The following BTBD9 variants were observed in gnomAD, a reference collection of about 807,000 sequenced individuals.
The protein encoded by BTBD9 is BTB/POZ domain-containing protein 9.
BTBD9 carries 49 observed loss-of-function variants against 64.3 expected under a neutral mutation model. The observed-to-expected ratio is 0.76, with a 90% CI of 0.61 to 0.97. The LOEUF (loss-of-function observed/expected upper bound fraction) is 0.97. BTBD9 is among the 50% of genes least tolerant of loss of function. BTBD9 has a pLI of 0.00. For missense variants in BTBD9, 598 were observed against 762.1 expected (o/e 0.78, Z 2.53); for synonymous variants, 260 against 274.7 (o/e 0.95, Z 0.53).
chr6:38,317,934 C>CT (rs34109121), intron 7 of BTBD9, among the ~76,000 whole-genome samples: 18,501 of 128,750 alleles, frequency 0.14, 1,631 homozygotes, highest in Middle Eastern at 0.22. Flanking sequence ...CTCAAAATAG[C>CT]TTTTTTTTTT....
At chr6:38,554,825 T>A (rs1428247579) in intron 6 of BTBD9, among the ~76,000 whole-genome samples, 2 of 152,054 alleles carry the variant, frequency 1.3e-5, no homozygotes, top group Non-Finnish European at 2.9e-5. Flanking sequence ...GCCAGCAGGG[T>A]ATATGAAACT....
chr6:38,448,595 G>A (rs1562201373), intron 6 of BTBD9, among the ~76,000 whole-genome samples: 1 of 152,090 alleles, frequency 6.6e-6, no homozygotes, highest in African/African-American at 2.4e-5. Context: ...TTAACTCACT[G>A]CAACCTGCAC....
chr6:38,236,736 A>C (rs1397944332), intron 9 of BTBD9, among the ~76,000 whole-genome samples: 3 of 152,222 alleles, frequency 2.0e-5, no homozygotes, highest in African/African-American at 7.2e-5. Context: ...TGTTCTAATG[A>C]CATTTGATTA....
At chr6:38,589,233 C>T (rs528836409) in intron 4 of BTBD9, among the ~76,000 whole-genome samples, 8 of 152,260 alleles carry the variant, frequency 5.3e-5, no homozygotes, top group East Asian at 3.9e-4. Flanking sequence ...TTCTCCCTTT[C>T]GCAACTCATC....
intron 7 of BTBD9, among the ~76,000 whole-genome samples, chr6:38,324,734 C>T (rs1233673685): frequency 6.6e-6 from 1 of 152,128 alleles, no homozygotes; most frequent in East Asian, 1.9e-4. Context: ...GACAGGAAGA[C>T]AATCTGGAAG....
chr6:38,238,189 A>G (rs1297079806), intron 9 of BTBD9, among the ~76,000 whole-genome samples: 1 of 152,228 alleles, frequency 6.6e-6, no homozygotes, highest in Non-Finnish European at 1.5e-5. Flanking sequence ...TTCTGAGCCA[A>G]ATATGAGTGA....
At chr6:38,457,331 A>C (rs1769866862) in intron 6 of BTBD9, among the ~76,000 whole-genome samples, 1 of 152,152 alleles carries the variant, frequency 6.6e-6, no homozygotes, top group African/African-American at 2.4e-5. Context: ...AAGCAAGAAG[A>C]CCAGTTAGAA....
At chr6:38,325,207 G>C (rs1351131023) in intron 7 of BTBD9, among the ~76,000 whole-genome samples, 2 of 151,956 alleles carry the variant, frequency 1.3e-5, no homozygotes, top group Non-Finnish European at 2.9e-5. Flanking sequence ...CAATATTATA[G>C]ATTTTACAAG....
intron 1 of BTBD9, among the ~76,000 whole-genome samples, chr6:38,602,407 A>G (rs926127916): frequency 1.3e-5 from 2 of 151,662 alleles, no homozygotes; most frequent in African/African-American, 4.8e-5. Context: ...ATAAAGTTAG[A>G]TACTAATGAA....
intron 2 of BTBD9, among the ~76,000 whole-genome samples, chr6:38,594,793 T>A (rs1402132732): frequency 1.3e-5 from 2 of 152,234 alleles, no homozygotes; most frequent in African/African-American, 4.8e-5. Flanking sequence ...GAAAAACATG[T>A]TCTTTGATAT....
At chr6:38,420,401 A>T (rs773211425) in intron 6 of BTBD9, among the ~76,000 whole-genome samples, 4 of 152,232 alleles carry the variant, frequency 2.6e-5, no homozygotes, top group Non-Finnish European at 4.4e-5. Context: ...GCAGTGACTC[A>T]GACTTGTGCA....
At chr6:38,578,720 G>C (rs1013518535) in intron 5 of BTBD9, among the ~76,000 whole-genome samples, 1 of 152,016 alleles carries the variant, frequency 6.6e-6, no homozygotes, top group Non-Finnish European at 1.5e-5. Flanking sequence ...AATCTTTTTG[G>C]CTTAAGATTC....
intron 6 of BTBD9, among the ~76,000 whole-genome samples, chr6:38,374,282 A>ATATATATATATATATATATATATATATGT: frequency 2.9e-5 from 1 of 34,548 alleles, no homozygotes; most frequent in African/African-American, 2.7e-4. Context: ...AAAAAAAAAA[A>ATATATATATATATATATATATATATATGT]GTATATATAT....
At position 38,241,065 on chromosome 6, in the gene BTBD9, C is replaced by G. The variant is rs372481671; in HGVS notation, c.1562+15344G>C. 3.3e-5 allele frequency among the ~76,000 whole-genome samples: 5 copies of G among 152,304 alleles called. No individual in the cohort carries two copies. In the East Asian group the frequency reaches 5.8e-4, roughly 18 times the overall value. On this transcript the variant is annotated intron_variant, in intron 9 of 10. Transcript: ENST00000481247. ...AACAAGCTTCCAGGAGCCCCTCCTTCTCCCACCCTCAGCATACCCTAAAGA... is the reference window on the plus strand; with the variant it reads ...AACAAGCTTCCAGGAGCCCCTCCTTGTCCCACCCTCAGCATACCCTAAAGA...
At chr6:38,339,205 C>T (rs1764012069) in intron 7 of BTBD9, among the ~76,000 whole-genome samples, 2 of 152,110 alleles carry the variant, frequency 1.3e-5, no homozygotes, top group East Asian at 3.8e-4. Context: ...TGAAAACAAC[C>T]CAAACGGTTC....
chr6:38,234,828 C>A (rs1225052846), intron 9 of BTBD9, among the ~76,000 whole-genome samples: 1 of 152,216 alleles, frequency 6.6e-6, no homozygotes, highest in Non-Finnish European at 1.5e-5. Flanking sequence ...CACTCATGTA[C>A]AGATAATGCT....
chr6:38,221,020 G>C (rs568462227), intron 9 of BTBD9, among the ~76,000 whole-genome samples: 1 of 152,174 alleles, frequency 6.6e-6, no homozygotes, highest in Non-Finnish European at 1.5e-5. Context: ...CCAGGGTTAC[G>C]AGCAGATCTT....
chr6:38,533,823 A>G (rs1398272048), intron 6 of BTBD9, among the ~76,000 whole-genome samples: 2 of 152,168 alleles, frequency 1.3e-5, no homozygotes, highest in Non-Finnish European at 2.9e-5. Flanking sequence ...GGAAATTGAA[A>G]AATTTCTTCA....
Position 38,181,803 on chromosome 6 carries a change from C to A in BTBD9, c.1642-6621G>T, listed in dbSNP as rs182785521. Among the ~76,000 whole-genome samples the A allele has an allele frequency of 7.2e-5, 11 of 152,190 alleles. No homozygotes were observed. The South Asian group carries it at 1.9e-3, about 26-fold the overall frequency. On this transcript the variant is annotated intron_variant, in intron 10 of 10. Transcript: ENST00000481247. ...AAGAGTTCGAGACCAGCCCGGCCGA[C>A]GTGTCAAAACCTGGTCTCTACTAAA...
Sources: allele counts gnomAD v4.1 joint callset (sites outside exome capture counted in the v4.1 genomes callset), GRCh38; gene constraint gnomAD v4.1.1; transcripts MANE v1.5; gene names NCBI Gene and HGNC (gene_info 2026-07-23, HGNC 2026-07-21).